Variants in DLGAP2 observed in about 807,000 individuals in gnomAD.
DLGAP2 encodes disks large-associated protein 2.
A neutral mutation model predicts 100.3 loss-of-function variants in DLGAP2; 26 were observed. The ratio of observed to expected loss-of-function variants is 0.26; its 90% CI spans 0.19 to 0.36. DLGAP2 has a LOEUF of 0.36. DLGAP2 is among the 10% of genes least tolerant of loss of function. The pLI is 1.00. For missense variants in DLGAP2, 1,858 were observed against 1,453.2 expected (o/e 1.28, Z -4.53); for synonymous variants, 886 against 630.1 (o/e 1.41, Z -6.08).
chr8:888,546 G>T (rs914883849), intron 1 of DLGAP2, among the ~76,000 whole-genome samples: 1 of 150,056 alleles, frequency 6.7e-6, no homozygotes, highest in Non-Finnish European at 1.5e-5. Context: ...GCTGACCCTT[G>T]GATGGGGTTT....
intron 2 of DLGAP2, among the ~76,000 whole-genome samples, chr8:1,239,616 T>TA (rs1798739718): frequency 2.8e-5 from 2 of 70,936 alleles, no homozygotes; most frequent in Non-Finnish European, 5.3e-5. Flanking sequence ...CGTGTCTAGT[T>TA]CTCTCACATG....
chr8:1,572,971 A>G (rs1310586829), intron 6 of DLGAP2, among the ~76,000 whole-genome samples: 5 of 114,330 alleles, frequency 4.4e-5, no homozygotes, highest in East Asian at 3.0e-4. Flanking sequence ...TGAGATGGAG[A>G]GGAGAGAGGG....
At position 1,487,194 on chromosome 8, in the gene DLGAP2, C is replaced by T. The variant is rs183194012; in HGVS notation, c.107-14172C>T. ...AATGATGCCTTAGGCATGATTGGTC[C>T]GTGAATAATAGGAAACCAGTTTCAT... On this transcript the variant is annotated intron_variant, in intron 3 of 14. Coordinates refer to ENST00000637795, the MANE Select transcript of DLGAP2 (RefSeq NM_001346810.2). Among the ~76,000 whole-genome samples the T allele has an allele frequency of 1.0e-3, 157 of 152,264 alleles. 1 individual carries two copies. The highest frequency in any genetic ancestry group is 3.9e-3 in the Admixed American group (60 of 15,294).
intron 2 of DLGAP2, among the ~76,000 whole-genome samples, chr8:1,168,049 A>C (rs2116669389): frequency 9.7e-6 from 1 of 102,760 alleles, no homozygotes; most frequent in Admixed American, 1.4e-4. Context: ...ACCCCACAAC[A>C]GTCCCCAGAG....
At chr8:1,291,612 C>A (rs1390601816) in intron 3 of DLGAP2, among the ~76,000 whole-genome samples, 1 of 152,158 alleles carries the variant, frequency 6.6e-6, no homozygotes, top group Non-Finnish European at 1.5e-5. Flanking sequence ...AGCATATCTC[C>A]TATCTTTAAA....
At chr8:1,254,982 CTGTGTGTGTGTCCTCTCATCCTGCTTGGG>C (rs1563043249) in intron 2 of DLGAP2, among the ~76,000 whole-genome samples, 10 of 127,224 alleles carry the variant, frequency 7.9e-5, no homozygotes, top group African/African-American at 3.4e-4. Flanking sequence ...TGTCCGGGTG[CTGTGTGTGTGTCCTCTCATCCTGCTTGGG>C]CGCTGTGTGT....
chr8:1,262,942 C>T (rs1319271922), intron 3 of DLGAP2, among the ~76,000 whole-genome samples: 1 of 152,136 alleles, frequency 6.6e-6, no homozygotes, highest in African/African-American at 2.4e-5. Context: ...GTCACCACAG[C>T]AGATAGATTT....
intron 3 of DLGAP2, among the ~76,000 whole-genome samples, chr8:1,333,166 C>A (rs1563088760): frequency 1.3e-5 from 2 of 152,162 alleles, no homozygotes; most frequent in Non-Finnish European, 2.9e-5. Context: ...AGATCAGGGA[C>A]CATCCAGAAG....
intron 6 of DLGAP2, among the ~76,000 whole-genome samples, chr8:1,569,408 CGACCTGCCTGCCAGG>C (rs1802563672): frequency 6.6e-6 from 1 of 152,202 alleles, no homozygotes; most frequent in Admixed American, 6.5e-5. Flanking sequence ...GTCTGGACAG[CGACCTGCCTGCCAGG>C]GACCTGCTAA....
chr8:1,633,664 C>T (rs924169893), intron 8 of DLGAP2, among the ~76,000 whole-genome samples: 1 of 152,072 alleles, frequency 6.6e-6, no homozygotes, highest in Non-Finnish European at 1.5e-5. Context: ...TTCTATAACA[C>T]GATGAATACA....
intron 2 of DLGAP2, among the ~76,000 whole-genome samples, chr8:1,226,317 G>A (rs576671637): frequency 6.0e-4 from 91 of 152,286 alleles, no homozygotes; most frequent in African/African-American, 2.0e-3. Context: ...CATGTCCTTT[G>A]CAGGCGCATA....
At chr8:1,366,986 C>T (rs1239247909) in intron 3 of DLGAP2, among the ~76,000 whole-genome samples, 1 of 151,694 alleles carries the variant, frequency 6.6e-6, no homozygotes, top group South Asian at 2.1e-4. Context: ...TGACCACAGA[C>T]CCCGGTAAAT....
intron 2 of DLGAP2, among the ~76,000 whole-genome samples, chr8:1,201,212 C>T (rs186609635): frequency 1.3e-5 from 2 of 152,308 alleles, no homozygotes; most frequent in East Asian, 1.9e-4. Context: ...TCTCGAGAGA[C>T]GCAGAACCAG....
chr8:1,010,046 G>A (rs768879271), intron 2 of DLGAP2, among the ~76,000 whole-genome samples: 10 of 152,162 alleles, frequency 6.6e-5, no homozygotes, highest in Non-Finnish European at 1.2e-4. Flanking sequence ...CACTGTTGTT[G>A]CTTTTAATAT....
intron 3 of DLGAP2, among the ~76,000 whole-genome samples, chr8:1,417,220 A>G (rs1031823035): frequency 3.8e-5 from 3 of 79,592 alleles, no homozygotes; most frequent in Non-Finnish European, 7.6e-5. Context: ...AGGGGAGACC[A>G]GCGTCCGTTT....
chr8:1,425,713 C>T (rs1242512040), intron 3 of DLGAP2, among the ~76,000 whole-genome samples: 3 of 152,126 alleles, frequency 2.0e-5, no homozygotes, highest in Non-Finnish European at 4.4e-5. Context: ...GAACTGGCCC[C>T]TGTGGGCTCA....
At chr8:1,247,640 G>C (rs143282925) in intron 2 of DLGAP2, among the ~76,000 whole-genome samples, 2 of 8,800 alleles carry the variant, frequency 2.3e-4, no homozygotes, top group Admixed American at 1.0e-3. Context: ...CGGTGGCCGG[G>C]AAGACCTTTG....
rs1475142705 is a variant in DLGAP2, at chr8:772,718, A to G, written c.18+34893A>G. On this transcript the variant is annotated intron_variant, in intron 1 of 14. Coordinates refer to ENST00000637795, the MANE Select transcript of DLGAP2 (RefSeq NM_001346810.2). ...GCAGCCCATCTCGACTGGACAGGCA[A>G]CGTTACAGGTGTTTGAGAGGGATGT... 3.3e-5 allele frequency among the ~76,000 whole-genome samples: 5 copies of G among 152,354 alleles called. No individual in the cohort carries two copies. The East Asian group carries it at 5.8e-4, about 18-fold the overall frequency.
At chr8:1,419,375 A>G (rs1390939573) in intron 3 of DLGAP2, among the ~76,000 whole-genome samples, 4 of 72,022 alleles carry the variant, frequency 5.6e-5, no homozygotes, top group Non-Finnish European at 1.1e-4. Context: ...CCTTTTATAA[A>G]TGGTTATTTT....
Sources: gnomAD v4.1 joint callset for allele counts (sites outside exome capture counted in the v4.1 genomes callset) on GRCh38, gnomAD v4.1.1 for gene constraint, MANE v1.5 for transcripts, NCBI Gene and HGNC (gene_info 2026-07-23, HGNC 2026-07-21) for gene names.